Variants in ZNF831 observed in about 807,000 individuals in gnomAD.
The protein encoded by ZNF831 is chromosome 20 open reading frame 174.
Under a neutral mutation model 95.8 loss-of-function variants are expected in ZNF831, and 59 were observed. The observed-to-expected ratio is 0.62, with a 90% CI of 0.50 to 0.77. The LOEUF is 0.77. Among genes scored for constraint, ZNF831 ranks in the 30% least tolerant of loss-of-function variants. The pLI is 0.00. For missense variants in ZNF831, 2,205 were observed against 2,164.0 expected (o/e 1.02, Z -0.38); for synonymous variants, 961 against 925.5 (o/e 1.04, Z -0.70).
intron 3 of ZNF831, among the ~76,000 whole-genome samples, chr20:59,201,981 A>G (rs1839025318): frequency 6.6e-6 from 1 of 152,210 alleles, no homozygotes; most frequent in South Asian, 2.1e-4. Flanking sequence ...TTTCTCCATC[A>G]ATAAGTTGAG....
rs1258174914 is a variant in ZNF831, at chr20:59,194,471, C to T, written c.3452C>T (p.Ala1151Val). The stretch of plus-strand genomic sequence containing the variant: ...GTGCCCCCAGGCTGGCCAGAGCTGG[C>T]CTTGTCTTCCCACTCAGGGACGTCC... Reference protein sequence around the residue: ...QGVPPGWPELALSSHSGTSRS... With the variant: ...QGVPPGWPELVLSSHSGTSRS... The change falls in exon 2 of 6, where the codon GCC becomes GTC. Residue 1151 changes from alanine (A) to valine (V), a missense_variant. Ala to Val is a moderately conservative substitution (Grantham distance 64). Coordinates refer to ENST00000371030, the MANE Select transcript of ZNF831 (RefSeq NM_178457.3). 6.2e-7 allele frequency: 1 copy of T among 1,613,040 alleles called. No homozygotes were observed. Among genetic ancestry groups the T allele is most frequent in the Non-Finnish European group, 8.5e-7 (1 of 1,179,714 alleles).
At chr20:59,125,007 G>A (rs1979126997) in intron 1 of ZNF831, among the ~76,000 whole-genome samples, 1 of 152,196 alleles carries the variant, frequency 6.6e-6, no homozygotes, top group Non-Finnish European at 1.5e-5. Flanking sequence ...GGCCAGTGAG[G>A]CAAAGATAAT....
chr20:59,213,706 A>G (rs1023560233), intron 4 of ZNF831, among the ~76,000 whole-genome samples: 2 of 152,100 alleles, frequency 1.3e-5, no homozygotes, highest in African/African-American at 4.8e-5. Context: ...TTGGTTTCTG[A>G]TTGTGCGTTG....
At chr20:59,164,234 C>T (rs1215385848) in intron 1 of ZNF831, among the ~76,000 whole-genome samples, 27 bp downstream of exon 1, 2 of 152,056 alleles carry the variant, frequency 1.3e-5, no homozygotes, top group Non-Finnish European at 2.9e-5. Flanking sequence ...ATGACATAAG[C>T]ATATATAAAA....
At chr20:59,176,688 C>T (rs1982192592) in intron 1 of ZNF831, among the ~76,000 whole-genome samples, 1 of 152,192 alleles carries the variant, frequency 6.6e-6, no homozygotes, top group Non-Finnish European at 1.5e-5. Context: ...GTAGTTCTGA[C>T]ATGGGCAGTT....
intron 5 of ZNF831, 31 bp from the exon 6 acceptor site, chr20:59,253,867 C>CCCTTTTTTTTTTCTTT: frequency 8.8e-7 from 1 of 1,142,332 alleles, no homozygotes; most frequent in Non-Finnish European, 1.2e-6. Context: ...CCTCCCCCCC[C>CCCTTTTTTTTTTCTTT]ACTTTTTTTT....
At chr20:59,178,637 AT>A (rs1461899900) in intron 1 of ZNF831, among the ~76,000 whole-genome samples, 3 of 152,226 alleles carry the variant, frequency 2.0e-5, no homozygotes, top group Non-Finnish European at 4.4e-5. Context: ...TACAACTTGG[AT>A]ATACTAAAAG....
At chr20:59,211,060 A>C (rs1425699621) in intron 4 of ZNF831, among the ~76,000 whole-genome samples, 1 of 79,128 alleles carries the variant, frequency 1.3e-5, no homozygotes, top group East Asian at 5.0e-4. Flanking sequence ...AAAAAAAAAA[A>C]AAAAACAAAT....
At position 59,191,223 on chromosome 20, in the gene ZNF831, C is replaced by A; in HGVS notation, c.204C>A (p.Pro68=). The change falls in exon 2 of 6, where the codon CCC becomes CCA. Residue 68 remains proline (P), a synonymous_variant. Coordinates refer to ENST00000371030, the MANE Select transcript of ZNF831 (RefSeq NM_178457.3). ...TCCCACTGTACCACACGGTGCCTCC[C>A]GGGGGCCTCCAGCCCCGCGCCCCGC... is the stretch of plus-strand genomic sequence containing the variant. The part of the protein sequence containing the change: ...LPIPLYHTVP[P]GGLQPRAPLV... 1 of 1,555,528 alleles carries A rather than the reference C, an allele frequency of 6.4e-7. No homozygotes were observed. The highest frequency in any genetic ancestry group is 8.7e-7 in the Non-Finnish European group (1 of 1,152,064).
intron 4 of ZNF831, among the ~76,000 whole-genome samples, chr20:59,210,361 C>T (rs992190516): frequency 4.6e-5 from 7 of 152,056 alleles, no homozygotes; most frequent in Admixed American, 2.6e-4. Flanking sequence ...GCCCAGTGGC[C>T]GGCGGGATGG....
Position 59,207,019 on chromosome 20 carries a change from A to C in ZNF831, c.3990A>C (p.Pro1330=). Residue 1330 remains proline, a synonymous_variant, in exon 4 of 6, where the codon CCA becomes CCC. Transcript: ENST00000371030. The stretch of plus-strand genomic sequence containing the variant: ...CTCCCGCACTTGAGGGACTGAAGCC[A>C]TGCAGGACCCCTGGGCAGACCTCTT... ...RHPPALEGLK[P]CRTPGQTSSE... 1 of 1,614,216 alleles carries C rather than the reference A, an allele frequency of 6.2e-7. No homozygotes were observed. Among genetic ancestry groups the C allele is most frequent in the Admixed American group, 1.7e-5 (1 of 60,014 alleles).
intron 2 of ZNF831, among the ~76,000 whole-genome samples, chr20:59,154,333 A>G (rs1402064069): frequency 1.3e-5 from 2 of 152,208 alleles, no homozygotes; most frequent in East Asian, 3.9e-4. Flanking sequence ...GAAGGTACAC[A>G]TAACCGTGTT....
rs1985807267 is a variant in ZNF831 at position 59,217,957 on chromosome 20, T to C, written c.4027+10901T>C. On this transcript the variant is annotated intron_variant, in intron 4 of 5. Coordinates refer to ENST00000371030, the MANE Select transcript of ZNF831 (RefSeq NM_178457.3). The surrounding 1 kb of genome is among the most constrained non-coding windows in gnomAD (Gnocchi z 4.4). ...CAAAGGACATCAAGGCCTTCCTCTG[T>C]GCCCAGCCAATTCATTAGACCCAGT... Among the ~76,000 whole-genome samples, 1 of 152,212 alleles carries C rather than the reference T, an allele frequency of 6.6e-6. No homozygotes were observed. The highest frequency in any genetic ancestry group is 2.4e-5 in the African/African-American group (1 of 41,458).
In ZNF831 at chr20:59,179,987, C is replaced by G. The variant is rs573594389; in HGVS notation, c.-36-10997C>G. On this transcript the variant is annotated intron_variant, in intron 1 of 5. Transcript: ENST00000371030. ...CTTCTCTACAGGAGAGTTGTGGGCACAGGTCCTCCCTCCTTGGAGCGTGAA... is the reference window on the plus strand; with the variant it reads ...CTTCTCTACAGGAGAGTTGTGGGCAGAGGTCCTCCCTCCTTGGAGCGTGAA... Among the ~76,000 whole-genome samples, 4 of 152,284 alleles carry G rather than the reference C, an allele frequency of 2.6e-5. No homozygotes were observed. The East Asian group carries it at 7.7e-4, about 29-fold the overall frequency.
intron 4 of ZNF831, among the ~76,000 whole-genome samples, chr20:59,228,358 G>T (rs1388294991): frequency 6.6e-6 from 1 of 151,978 alleles, no homozygotes; most frequent in African/African-American, 2.4e-5. Flanking sequence ...GCTGGTCTAG[G>T]ATGGCCTCAC....
chr20:59,214,294 T>C lies in ZNF831; in HGVS notation c.4027+7238T>C, dbSNP rs572047471. ...GACATCTTAATGGATTGAGTTGTTA[T>C]GGTGAGGATTAAGCAAGATAGTGGA... On this transcript the variant is annotated intron_variant, in intron 4 of 5. Transcript: ENST00000371030. 1.5e-4 allele frequency among the ~76,000 whole-genome samples: 23 copies of C among 152,304 alleles called. No homozygotes were observed. In the South Asian group the frequency reaches 4.6e-3, roughly 30 times the overall value.
In ZNF831 at chr20:59,254,498, G is replaced by C. The variant is rs2146770760; in HGVS notation, c.4789G>C (p.Gly1597Arg). The change falls in exon 6 of 6, where the codon GGG becomes CGG. Residue 1597 changes from glycine (G) to arginine (R), a missense_variant. Gly to Arg is a moderately radical substitution (Grantham distance 125). Coordinates refer to ENST00000371030, the MANE Select transcript of ZNF831 (RefSeq NM_178457.3). The surrounding 1 kb of genome is among the most constrained non-coding windows in gnomAD (Gnocchi z 4.5). The stretch of plus-strand genomic sequence containing the variant: ...GTTTTTTCCTTCCAGAGGCCAGTAT[G>C]GGTGTGGGGAAATGACTGTCCCCTG... ...KTFFPSRGQY[G>R]CGEMTVPCPS... 6.2e-7 allele frequency: 1 copy of C among 1,614,196 alleles called. No homozygotes were observed. Among genetic ancestry groups the C allele is most frequent in the Non-Finnish European group, 8.5e-7 (1 of 1,180,040 alleles).
intron 1 of ZNF831, among the ~76,000 whole-genome samples, chr20:59,132,881 C>T (rs1979390810): frequency 6.6e-6 from 1 of 152,258 alleles, no homozygotes. Flanking sequence ...GCTGAGGCTC[C>T]CAAGGCCTGA....
chr20:59,154,256 A>G (rs955288517), intron 2 of ZNF831, among the ~76,000 whole-genome samples: 9 of 152,172 alleles, frequency 5.9e-5, no homozygotes, highest in African/African-American at 2.2e-4. Context: ...AAAGACATAC[A>G]TGCAGAGACT....
Sources: gnomAD v4.1 joint callset for allele counts (sites outside exome capture counted in the v4.1 genomes callset) on GRCh38, gnomAD v4.1.1 for gene constraint, Gnocchi (gnomAD v3.1) non-coding constraint, MANE v1.5 for transcripts, NCBI Gene and HGNC (gene_info 2026-07-23, HGNC 2026-07-21) for gene names.